Variants in UPF3A observed in about 807,000 individuals in gnomAD.
UPF3A encodes regulator of nonsense transcripts 3A.
Under a neutral mutation model 53.5 loss-of-function variants are expected in UPF3A, and 42 were observed. The observed-to-expected ratio is 0.78, with a 90% CI of 0.61 to 1.01. The LOEUF (loss-of-function observed/expected upper bound fraction) is 1.01, where lower values mean the gene tolerates loss of function less well. UPF3A is among the 50% of genes least tolerant of loss of function. The pLI is 0.00. For synonymous variants in UPF3A, 237 were observed against 225.3 expected (o/e 1.05, Z -0.47); for missense variants, 575 against 598.0 (o/e 0.96, Z 0.40).
chr13:114,296,317 A>G (rs188666618), intron 7 of UPF3A, among the ~76,000 whole-genome samples: 1 of 152,184 alleles, frequency 6.6e-6, no homozygotes, highest in Non-Finnish European at 1.5e-5. Flanking sequence ...CAGGAGGCGA[A>G]GGTACAGTGA....
At chr13:114,287,242 A>G (rs2084781834) in intron 5 of UPF3A, 1 of 152,692 alleles carries the variant, frequency 6.5e-6, no homozygotes, top group Admixed American at 6.5e-5. Context: ...CACACCTGGT[A>G]GTGTTTCTCT....
chr13:114,303,431 A>G (rs1446912102), intron 9 of UPF3A, among the ~76,000 whole-genome samples: 2 of 152,092 alleles, frequency 1.3e-5, no homozygotes, highest in Non-Finnish European at 2.9e-5. Flanking sequence ...GGCATTTGTC[A>G]TGTACTTCTA....
intron 7 of UPF3A, among the ~76,000 whole-genome samples, chr13:114,292,008 G>GTGCC (rs2085320029): frequency 6.6e-6 from 1 of 151,784 alleles, no homozygotes; most frequent in Admixed American, 6.6e-5. Flanking sequence ...CTGCTGTTGG[G>GTGCC]TGCCTGTCCT....
chr13:114,283,002 G>A, intron 3 of UPF3A, 59 bp downstream of exon 3: 1 of 1,234,242 alleles, frequency 8.1e-7, no homozygotes, highest in South Asian at 1.3e-5. Context: ...ATGAAGTATT[G>A]CTAGAATATT....
chr13:114,281,651 A>C lies in UPF3A; in HGVS notation c.12A>C (p.Glu4Asp). 1 of 1,494,844 alleles carries C rather than the reference A, an allele frequency of 6.7e-7. No individual in the cohort carries two copies. Among genetic ancestry groups the C allele is most frequent in the Non-Finnish European group, 8.9e-7 (1 of 1,123,392 alleles). 92.6% of individuals were successfully genotyped at this position (1,494,844 alleles called of 1,614,324 possible). A position where few individuals can be genotyped will look rare whatever the true frequency, so the allele number is the denominator to read the frequency against. The change falls in exon 1 of 10, where the codon GAA becomes GAC. Residue 4 changes from glutamate (E) to aspartate (D), a missense_variant. Physicochemically the swap from Glu to Asp is conservative, Grantham distance 45. Around this residue, in one of 2 missense-constraint regions of UPF3A, gnomAD observed 252 missense variants for 182.7 expected, o/e 1.38. Transcript: ENST00000375299. MRS[E>D]KEGAGGLRAA... ...GCGGAGAGTGCGGCATGCGCTCGGA[A>C]AAGGAGGGGGCCGGAGGCCTTCGGG...
At chr13:114,300,452 A>G (rs1023297772) in intron 8 of UPF3A, among the ~76,000 whole-genome samples, 9 of 151,968 alleles carry the variant, frequency 5.9e-5, no homozygotes, top group Non-Finnish European at 8.8e-5. Flanking sequence ...GCTCACTGCA[A>G]CCTCCGCCTC....
chr13:114,288,509 G>C (rs1224659387), intron 5 of UPF3A, among the ~76,000 whole-genome samples: 8 of 152,362 alleles, frequency 5.3e-5, no homozygotes, highest in Admixed American at 1.3e-4. Context: ...CAGGCTTGTG[G>C]GGTTGGCACA....
intron 3 of UPF3A, chr13:114,284,193 C>T (rs915674986): frequency 8.9e-6 from 4 of 447,100 alleles, no homozygotes. Flanking sequence ...GAAACCCTGT[C>T]TCTACTAAAA....
At chr13:114,290,762 T>C (rs1038892213) in intron 5 of UPF3A, among the ~76,000 whole-genome samples, 2 of 150,874 alleles carry the variant, frequency 1.3e-5, no homozygotes, top group African/African-American at 2.4e-5. Flanking sequence ...AGGCAGAGTT[T>C]CGCTGTTGTT....
chr13:114,281,854 C>A lies in UPF3A; in HGVS notation c.207+8C>A. The A allele has an allele frequency of 7.1e-7, 1 of 1,398,734 alleles. No individual in the cohort carries two copies. The highest frequency in any genetic ancestry group is 9.5e-7 in the Non-Finnish European group (1 of 1,053,370). 86.6% of individuals were successfully genotyped at this position (1,398,734 alleles called of 1,614,324 possible). A position where few individuals can be genotyped will look rare whatever the true frequency, so the allele number is the denominator to read the frequency against. The stretch of plus-strand genomic sequence containing the variant: ...AGGACGGCCCTGAGCAAGGTGGGGA[C>A]GGGGGCGGGGCGCGCAAACCTCGCG... On this transcript the variant is annotated splice_region_variant and intron_variant, in intron 1 of 9. Coordinates refer to ENST00000375299, the MANE Select transcript of UPF3A (RefSeq NM_023011.4).
chr13:114,284,689 A>G (rs2084489848), intron 3 of UPF3A, among the ~76,000 whole-genome samples: 1 of 150,166 alleles, frequency 6.7e-6, no homozygotes, highest in Non-Finnish European at 1.5e-5. Flanking sequence ...ACAGAGTGAG[A>G]CTCTGTCTCA....
At chr13:114,303,938 G>A (rs2086818020) in intron 9 of UPF3A, among the ~76,000 whole-genome samples, 1 of 152,200 alleles carries the variant, frequency 6.6e-6, no homozygotes, top group African/African-American at 2.4e-5. Context: ...AGCAGATGTG[G>A]GCTTCCACAC....
At chr13:114,294,431 T>TA (rs1198661129) in intron 7 of UPF3A, among the ~76,000 whole-genome samples, 3 of 151,426 alleles carry the variant, frequency 2.0e-5, no homozygotes, top group African/African-American at 7.3e-5. Context: ...ATAGCTAATT[T>TA]AAAAAAAAAT....
At chr13:114,296,251 C>CA (rs2085997033) in intron 7 of UPF3A, among the ~76,000 whole-genome samples, 12 of 152,182 alleles carry the variant, frequency 7.9e-5, no homozygotes, top group Admixed American at 7.2e-4. Context: ...GGCATGGTGG[C>CA]GCATGCCTGT....
chr13:114,282,968 C>G, intron 3 of UPF3A, 25 bp downstream of exon 3: 1 of 1,472,404 alleles, frequency 6.8e-7, no homozygotes, highest in Non-Finnish European at 9.4e-7. Context: ...TTTTAAAAAT[C>G]TATTATAATC....
At position 114,282,094 on chromosome 13, in the gene UPF3A, A is replaced by C. The variant is rs2084117329; in HGVS notation, c.281A>C (p.His94Pro). The change falls in exon 2 of 10, where the codon CAC (histidine) becomes CCC (proline). Residue 94 changes from histidine (H) to proline (P), a missense_variant. Around this residue, in one of 2 missense-constraint regions of UPF3A, gnomAD observed 252 missense variants for 182.7 expected, o/e 1.38. Transcript: ENST00000375299. The stretch of plus-strand genomic sequence containing the variant: ...GAGCAGCTGCGCCCGCTGCCAGCAC[A>C]CGACTACTTCGAGTTCTTCGCCGCC... Reference protein sequence around the residue: ...LEEQLRPLPAHDYFEFFAADL... With the variant: ...LEEQLRPLPAPDYFEFFAADL... 9 of 1,578,552 alleles carry C rather than the reference A, an allele frequency of 5.7e-6. No individual in the cohort carries two copies. Among genetic ancestry groups the C allele is most frequent in the Non-Finnish European group, 7.7e-6 (9 of 1,163,322 alleles).
At position 114,304,831 on chromosome 13, in the gene UPF3A, C is replaced by T. The variant is rs750224486; in HGVS notation, c.1345C>T (p.Arg449Ter). ...GCTGTATGATCCAGGAGCTCGCTTC[C>T]GAGCGCGAGAGTGTGGCGGAAACAG... is the stretch of plus-strand genomic sequence containing the variant. ...LQLYDPGARFRARECGGNRRI... is the reference protein window; with the variant it reads ...LQLYDPGARF The change falls in exon 10 of 10, where the codon CGA (arginine) becomes TGA (stop). Residue 449 changes from arginine (R) to a stop codon, truncating the protein, a stop_gained. Coordinates refer to ENST00000375299, the MANE Select transcript of UPF3A (RefSeq NM_023011.4). LOFTEE classifies it low-confidence loss of function (END_TRUNC). The T allele has an allele frequency of 3.7e-6, 6 of 1,613,820 alleles. No individual in the cohort carries two copies. Among genetic ancestry groups the T allele is most frequent in the East Asian group, 2.2e-5 (1 of 44,868 alleles).
chr13:114,298,812 A>G (rs377221810), intron 7 of UPF3A, 28 bp from the exon 8 acceptor site: 3 of 1,512,972 alleles, frequency 2.0e-6, no homozygotes, highest in Non-Finnish European at 1.8e-6. Flanking sequence ...TCTCAAGGTG[A>G]TACTTTACTA....
chr13:114,298,157 A>T (rs552482267), intron 7 of UPF3A, among the ~76,000 whole-genome samples: 28 of 152,268 alleles, frequency 1.8e-4, no homozygotes, highest in African/African-American at 6.7e-4. Context: ...GGATTGCCTG[A>T]GGTCAGGGGT....
Sources: gnomAD v4.1 joint callset for allele counts (sites outside exome capture counted in the v4.1 genomes callset) on GRCh38, gnomAD v4.1.1 for gene constraint, gnomAD v4.1.1 regional missense constraint, MANE v1.5 for transcripts, NCBI Gene and HGNC (gene_info 2026-07-23, HGNC 2026-07-21) for gene names.